GGA2: variants seen among roughly 807,000 people sequenced by gnomAD.
GGA2 encodes the protein golgi associated, gamma adaptin ear containing, ARF binding protein 2.
A neutral mutation model predicts 79.5 loss-of-function variants in GGA2; 48 were observed. The ratio of observed to expected loss-of-function variants is 0.60; its 90% CI spans 0.48 to 0.77. GGA2 has a LOEUF of 0.77. GGA2 is among the 30% of genes least tolerant of loss of function. The pLI is 0.00. For missense variants in GGA2, 770 were observed against 774.0 expected, an observed-to-expected ratio of 0.99 and a Z score of 0.06; for synonymous variants, 317 against 302.0, an observed-to-expected ratio of 1.05 and a Z score of -0.51.
intron 10 of GGA2, 76 bp from the exon 11 acceptor site, chr16:23,479,963 C>G (rs1964627533): frequency 7.3e-7 from 1 of 1,362,706 alleles, no homozygotes; most frequent in Non-Finnish European, 1.0e-6. Context: ...TATCAGCTTC[C>G]CTCAGACCAC....
At chr16:23,507,505 G>A (rs1195490552) in intron 1 of GGA2, among the ~76,000 whole-genome samples, 1 of 152,204 alleles carries the variant, frequency 6.6e-6, no homozygotes, top group Non-Finnish European at 1.5e-5. Flanking sequence ...GCTAATGCCT[G>A]TAATCCCAGC....
At chr16:23,505,787 A>G (rs1964968477) in intron 1 of GGA2, among the ~76,000 whole-genome samples, 1 of 151,890 alleles carries the variant, frequency 6.6e-6, no homozygotes, top group South Asian at 2.1e-4. Flanking sequence ...AAGAACAATA[A>G]CTCTTGCAAA....
At chr16:23,473,389 C>T (rs577199175) in intron 14 of GGA2, among the ~76,000 whole-genome samples, 13 of 116,026 alleles carry the variant, frequency 1.1e-4, no homozygotes, top group East Asian at 8.9e-4. Context: ...CAGACTGAAG[C>T]GCAGTGGCAC....
intron 6 of GGA2, among the ~76,000 whole-genome samples, 199 bp from the exon 7 acceptor site, chr16:23,486,989 T>TTTG (rs1391769228): frequency 6.7e-6 from 1 of 149,890 alleles, no homozygotes; most frequent in Non-Finnish European, 1.5e-5. Flanking sequence ...CTGTTGTTTT[T>TTTG]TTTTTTTTTT....
intron 14 of GGA2, among the ~76,000 whole-genome samples, chr16:23,473,761 C>G (rs1191961872): frequency 1.3e-5 from 2 of 152,222 alleles, no homozygotes; most frequent in South Asian, 4.1e-4. Flanking sequence ...TTTCTATATA[C>G]CCTTCATGTA....
upstream of GGA2, chr16:23,522,062 C>T (rs368686039): frequency 7.9e-4 from 249 of 314,046 alleles, no homozygotes; most frequent in Non-Finnish European, 1.5e-3. Context: ...AAGGCATTTA[C>T]GAGCATTATC....
chr16:23,469,139 G>A (rs1257760776), intron 15 of GGA2, 143 bp from the exon 16 acceptor site: 11 of 571,650 alleles, frequency 1.9e-5, no homozygotes, highest in Non-Finnish European at 3.5e-5. Flanking sequence ...AGGCACCTAT[G>A]GGAGCCCAAG....
In GGA2 at chr16:23,463,626, A is replaced by C. The variant is rs1596969935; in HGVS notation, c.*3964T>G. The C allele has an allele frequency of 1.3e-5, 2 of 152,382 alleles. No individual in the cohort carries two copies. The highest frequency in any genetic ancestry group is 4.8e-5 in the African/African-American group (2 of 41,602). The allele number at this position is 152,382 out of a possible 1,614,324, so 9.4% of individuals were successfully genotyped here. The stretch of plus-strand genomic sequence containing the variant: ...AATTTATCTATAATTCCCTGACCCA[A>C]AGATTACCACTGTCAGATGTGCACA... On this transcript the variant is annotated 3_prime_UTR_variant, in exon 17 of 17. Coordinates refer to ENST00000309859, the MANE Select transcript of GGA2 (RefSeq NM_015044.4).
In GGA2 at chr16:23,467,604, A is replaced by G. The variant is rs199705736; in HGVS notation, c.1828T>C (p.Leu610=). Residue 610 remains leucine (L), a synonymous_variant, in exon 17 of 17, where the codon TTG becomes CTG. Coordinates refer to ENST00000309859, the MANE Select transcript of GGA2 (RefSeq NM_015044.4). ...CTTGTGAAAAGTTAGGCTGCGCCCA[A>G]GACAGCCAGGTCTGGGAAGTCTTTC... is the stretch of plus-strand genomic sequence containing the variant. ...EVKDFPDLAV[L]GAA is the part of the protein sequence containing the mutation. 4.9e-5 allele frequency: 77 copies of G among 1,573,374 alleles called. No individual in the cohort carries two copies. The highest frequency in any genetic ancestry group is 6.2e-5 in the Non-Finnish European group (71 of 1,143,430).
upstream of GGA2, chr16:23,524,283 G>C: frequency 8.8e-7 from 1 of 1,137,160 alleles, no homozygotes; most frequent in Non-Finnish European, 1.3e-6. Context: ...ACTTCCCGAC[G>C]GGCCCCAGGC....
chr16:23,477,859 A>G (rs1051296323), intron 13 of GGA2, among the ~76,000 whole-genome samples: 1 of 152,146 alleles, frequency 6.6e-6, no homozygotes, highest in African/African-American at 2.4e-5. Flanking sequence ...TTTTTAAATT[A>G]CACAGTCTTG....
chr16:23,468,158 C>CTG (rs1038810951), intron 16 of GGA2, among the ~76,000 whole-genome samples: 2 of 152,108 alleles, frequency 1.3e-5, no homozygotes, highest in African/African-American at 4.8e-5. Flanking sequence ...CTCTCTCTCT[C>CTG]TTTCATCTAT....
intron 1 of GGA2, 27 bp downstream of exon 1, chr16:23,510,294 G>T: frequency 2.9e-6 from 4 of 1,387,772 alleles, no homozygotes; most frequent in Non-Finnish European, 3.8e-6. Context: ...CGCAGCGGCT[G>T]CGCCGAAGGC....
At position 23,483,002 on chromosome 16, in the gene GGA2, G is replaced by C; in HGVS notation, c.801C>G (p.Val267=). ...GCAGCTTTTCACACCTCTCATACAC[G>C]ACCTGAAAGAGCAGAGCTTGGTTCA... ...QAPPDQEALQ[V]VYERCEKLRP... Residue 267 remains valine, a splice_region_variant and synonymous_variant, in exon 9 of 17, where the codon GTC becomes GTG. Coordinates refer to ENST00000309859, the MANE Select transcript of GGA2 (RefSeq NM_015044.4). 2 of 1,606,152 alleles carry C rather than the reference G, an allele frequency of 1.2e-6. No homozygotes were observed. Among genetic ancestry groups the C allele is most frequent in the Non-Finnish European group, 1.7e-6 (2 of 1,172,966 alleles).
intron 5 of GGA2, among the ~76,000 whole-genome samples, chr16:23,489,060 A>AAAGC (rs1964750479): frequency 1.3e-5 from 2 of 152,166 alleles, no homozygotes; most frequent in African/African-American, 4.8e-5. Flanking sequence ...AGCTCCTGAA[A>AAAGC]ATGCTGAGTG....
intron 13 of GGA2, among the ~76,000 whole-genome samples, chr16:23,476,428 T>G (rs1964577512): frequency 6.6e-6 from 1 of 152,146 alleles, no homozygotes; most frequent in Non-Finnish European, 1.5e-5. Flanking sequence ...ATTCACACCT[T>G]AGAGAACCTC....
intron 9 of GGA2, among the ~76,000 whole-genome samples, 188 bp from the exon 10 acceptor site, chr16:23,480,958 G>A (rs1273274762): frequency 6.6e-6 from 1 of 152,212 alleles, no homozygotes; most frequent in Non-Finnish European, 1.5e-5. Context: ...TAACATGTTA[G>A]TAGTTCTCAA....
At position 23,474,984 on chromosome 16, in the gene GGA2, G is replaced by A. The variant is rs1416260775; in HGVS notation, c.1370C>T (p.Ala457Val). Residue 457 changes from alanine to valine, a missense_variant, in exon 14 of 17, where the codon GCT (alanine) becomes GTT (valine). Ala to Val is a moderately conservative substitution (Grantham distance 64, BLOSUM62 0). Transcript: ENST00000309859. ...TKSSPGWSWEAGPLAPSPSSQ... is the reference protein window; with the variant it reads ...TKSSPGWSWEVGPLAPSPSSQ... The stretch of plus-strand genomic sequence containing the variant: ...AGATGGGGAAGGAGCCAACGGGCCA[G>A]CCTCCCAGGACCAACCTGGAGAGGA... 1 of 1,610,838 alleles carries A rather than the reference G, an allele frequency of 6.2e-7. No individual in the cohort carries two copies. Among genetic ancestry groups the A allele is most frequent in the Non-Finnish European group, 8.5e-7 (1 of 1,177,196 alleles).
Position 23,510,358 on chromosome 16 carries a change from A to G in GGA2, c.54T>C (p.Gly18=). ...AAVAGTESAQ[G]PPGPAASLEL... ...CCAGCGACGCTGCCGGGCCCGGGGG[A>G]CCCTGGGCCGACTCGGTTCCCGCCA... The change falls in exon 1 of 17, where the codon GGT becomes GGC. Residue 18 remains glycine, a synonymous_variant. Coordinates refer to ENST00000309859, the MANE Select transcript of GGA2 (RefSeq NM_015044.4). The G allele has an allele frequency of 2.1e-6, 3 of 1,428,334 alleles. No individual in the cohort carries two copies. Among genetic ancestry groups the G allele is most frequent in the South Asian group, 1.4e-5 (1 of 71,608 alleles). 88.5% of individuals were successfully genotyped at this position (1,428,334 alleles called of 1,614,324 possible).
Sources: gnomAD v4.1 joint callset for allele counts (sites outside exome capture counted in the v4.1 genomes callset) on GRCh38, gnomAD v4.1.1 for gene constraint, MANE v1.5 for transcripts, NCBI Gene and HGNC (gene_info 2026-07-23, HGNC 2026-07-21) for gene names.